Variants in GGTA1 observed in about 807,000 individuals in gnomAD.
The protein encoded by GGTA1 is inactive N-acetyllactosaminide alpha-1,3-galactosyltransferase.
Under a neutral mutation model 2.6 loss-of-function variants are expected in GGTA1, and 5 were observed. That is an observed-to-expected ratio of 1.92 (90% CI 1.00 to 4.04). The LOEUF (loss-of-function observed/expected upper bound fraction) is 4.04. Among genes scored for constraint, GGTA1 ranks in the 30% most tolerant of loss-of-function variants. The probability of loss-of-function intolerance (pLI) is 0.00; values close to 1 mark genes in which losing one functional copy is unlikely to be tolerated. For synonymous variants in GGTA1, 17 were observed against 5.0 expected (o/e 3.38, Z -3.19); for missense variants, 50 against 16.7 (o/e 2.99, Z -3.47).
At chr9:121,449,360 A>G (rs897415519) in intron 7 of GGTA1, among the ~76,000 whole-genome samples, 4 of 152,204 alleles carry the variant, frequency 2.6e-5, no homozygotes, top group East Asian at 3.8e-4. Flanking sequence ...TTAGTTTTGT[A>G]AGAAACTGCC....
At position 121,467,835 on chromosome 9, in the gene GGTA1, A is replaced by G. The variant is rs146980078; in HGVS notation, c.80+8T>C. On this transcript the variant is annotated splice_region_variant and intron_variant, in intron 2 of 5. Transcript: ENST00000481799. ...CATCCACATCACTTCATCATGTTTCATAATTACCTGTTGATAAATTCCCAA... is the reference window on the plus strand; with the variant it reads ...CATCCACATCACTTCATCATGTTTCGTAATTACCTGTTGATAAATTCCCAA... The G allele has an allele frequency of 5.8e-3, 2,658 of 456,018 alleles. 13 individuals carry two copies. Among genetic ancestry groups the G allele is most frequent in the Non-Finnish European group, 9.3e-3 (2,099 of 226,762 alleles). The allele number at this position is 456,018 out of a possible 1,614,324, so 28.2% of individuals were successfully genotyped here. A position where few individuals can be genotyped will look rare whatever the true frequency, so the allele number is the denominator to read the frequency against.
At chr9:121,457,085 A>G (rs1381532777) in intron 5 of GGTA1, among the ~76,000 whole-genome samples, 1 of 152,188 alleles carries the variant, frequency 6.6e-6, no homozygotes, top group Non-Finnish European at 1.5e-5. Flanking sequence ...TCGAGTGGAG[A>G]GAAGGGGATG....
intron 1 of GGTA1, among the ~76,000 whole-genome samples, chr9:121,472,765 G>T (rs1207525679): frequency 6.6e-6 from 1 of 152,144 alleles, no homozygotes; most frequent in African/African-American, 2.4e-5. Context: ...AACCCCACCT[G>T]CTGAGGATCA....
chr9:121,482,436 C>T (rs1286466287), intron 1 of GGTA1, among the ~76,000 whole-genome samples: 1 of 151,830 alleles, frequency 6.6e-6, no homozygotes, highest in African/African-American at 2.4e-5. Context: ...CATTGCACTC[C>T]GGCCTGGGAG....
chr9:121,469,919 T>C (rs1435422), intron 1 of GGTA1, among the ~76,000 whole-genome samples: 34,085 of 152,026 alleles, frequency 0.22, 4,386 homozygotes, highest in Middle Eastern at 0.3. Context: ...CTCAAACTAG[T>C]CCATCCTAAA....
At chr9:121,452,422 G>T (rs1326896351), downstream of GGTA1, 1 of 152,604 alleles carries the variant, frequency 6.6e-6, no homozygotes, top group African/African-American at 2.4e-5. Flanking sequence ...CAAACACTTG[G>T]CTGGGAGGTA....
intron 2 of GGTA1, among the ~76,000 whole-genome samples, chr9:121,464,133 T>C (rs2064984375): frequency 6.6e-6 from 1 of 152,166 alleles, no homozygotes; most frequent in Non-Finnish European, 1.5e-5. Context: ...CACAGCAATA[T>C]CCACATTGCA....
rs973286888 is a variant in GGTA1 at position 121,455,720 on chromosome 9, C to T, written c.*117G>A. 4 of 370,250 alleles carry T rather than the reference C, an allele frequency of 1.1e-5. No homozygotes were observed. Among genetic ancestry groups the T allele is most frequent in the Non-Finnish European group, 2.2e-5 (4 of 184,346 alleles). The allele number at this position is 370,250 out of a possible 1,614,324, so 22.9% of individuals were successfully genotyped here. On this transcript the variant is annotated 3_prime_UTR_variant, in exon 6 of 6. Transcript: ENST00000481799. ...CCAGTCCTTCCCCTTGAGAATCTCGCAGTCCCAACAGGTGGTCCGCCTGTT... is the reference window on the plus strand; with the variant it reads ...CCAGTCCTTCCCCTTGAGAATCTCGTAGTCCCAACAGGTGGTCCGCCTGTT...
intron 1 of GGTA1, among the ~76,000 whole-genome samples, chr9:121,496,817 C>T (rs1829005691): frequency 6.6e-6 from 1 of 150,670 alleles, no homozygotes; most frequent in African/African-American, 2.4e-5. Context: ...TTCAAGATCC[C>T]ACCATTCCAG....
chr9:121,498,025 G>A (rs1157436356), intron 1 of GGTA1, among the ~76,000 whole-genome samples: 3 of 152,228 alleles, frequency 2.0e-5, no homozygotes, highest in Non-Finnish European at 4.4e-5. Context: ...CTGGACCTCA[G>A]CTACTCCACC....
At chr9:121,496,530 A>G (rs1012578973) in intron 1 of GGTA1, among the ~76,000 whole-genome samples, 7 of 151,880 alleles carry the variant, frequency 4.6e-5, no homozygotes, top group Non-Finnish European at 1.5e-5. Context: ...GGAGTTTGAG[A>G]CCAGCCTGGC....
At chr9:121,456,160 A>G (rs2064909670) in intron 5 of GGTA1, among the ~76,000 whole-genome samples, 1 of 152,242 alleles carries the variant, frequency 6.6e-6, no homozygotes, top group African/African-American at 2.4e-5. Context: ...GTCAACTGCC[A>G]GAGAAGTCCA....
chr9:121,498,378 A>T (rs1829033697), intron 1 of GGTA1, among the ~76,000 whole-genome samples: 3 of 152,208 alleles, frequency 2.0e-5, no homozygotes, highest in African/African-American at 7.2e-5. Context: ...ATTCACCCAG[A>T]TGTAACTCCG....
At chr9:121,492,923 C>T (rs909482084) in intron 1 of GGTA1, among the ~76,000 whole-genome samples, 1 of 151,798 alleles carries the variant, frequency 6.6e-6, no homozygotes, top group African/African-American at 2.4e-5. Flanking sequence ...GCAGGCAGAT[C>T]ACTTGAGGTC....
intron 5 of GGTA1, among the ~76,000 whole-genome samples, chr9:121,458,794 A>G (rs1294048900): frequency 6.6e-6 from 1 of 152,082 alleles, no homozygotes; most frequent in Non-Finnish European, 1.5e-5. Flanking sequence ...GCCCCCAGTC[A>G]TTCAGCCCCA....
At chr9:121,475,810 C>G (rs150962826) in intron 1 of GGTA1, among the ~76,000 whole-genome samples, 36 of 152,202 alleles carry the variant, frequency 2.4e-4, no homozygotes, top group African/African-American at 8.7e-4. Context: ...TATTACTGAC[C>G]TTGGACAAGA....
intron 5 of GGTA1, among the ~76,000 whole-genome samples, chr9:121,456,927 C>T (rs1252900217): frequency 6.6e-6 from 1 of 152,204 alleles, no homozygotes; most frequent in Non-Finnish European, 1.5e-5. Context: ...CTGCCTCAGC[C>T]TCCCAAAGTG....
At chr9:121,492,432 C>G (rs1286439420) in intron 1 of GGTA1, among the ~76,000 whole-genome samples, 1 of 152,110 alleles carries the variant, frequency 6.6e-6, no homozygotes, top group Non-Finnish European at 1.5e-5. Context: ...AGTGCCTCAC[C>G]CCTAAGGGGA....
intron 1 of GGTA1, among the ~76,000 whole-genome samples, chr9:121,474,388 C>T (rs1036641308): frequency 6.6e-6 from 1 of 152,218 alleles, no homozygotes; most frequent in East Asian, 1.9e-4. Flanking sequence ...GGAACGTGTG[C>T]AGATTATGCT....
Sources: allele counts gnomAD v4.1 joint callset (sites outside exome capture counted in the v4.1 genomes callset), GRCh38; gene constraint gnomAD v4.1.1; transcripts MANE v1.5; gene names NCBI Gene and HGNC (gene_info 2026-07-23, HGNC 2026-07-21).